TASOR2: variants seen among roughly 807,000 people sequenced by gnomAD.
TASOR2 encodes the protein transcription activation suppressor family member 2, also known as protein TASOR 2.
Under a neutral mutation model 199.5 loss-of-function variants are expected in TASOR2, and 84 were observed. The observed-to-expected ratio is 0.42, with a 90% confidence interval of 0.35 to 0.50. The LOEUF is 0.50. TASOR2 is among the 20% of genes least tolerant of loss of function. The probability of loss-of-function intolerance (pLI) is 0.02; values close to 1 mark genes in which losing one functional copy is unlikely to be tolerated. For missense variants in TASOR2, 2,796 were observed against 2,835.9 expected (o/e 0.99, Z 0.32); for synonymous variants, 1,103 against 1,046.6 (o/e 1.05, Z -1.04).
chr10:5,755,709 G>A (rs914089167), intron 15 of TASOR2, among the ~76,000 whole-genome samples: 6 of 152,308 alleles, frequency 3.9e-5, no homozygotes, highest in Middle Eastern at 3.4e-3. Context: ...TCAAGGCCAG[G>A]TGCCACGGTT....
At chr10:5,726,735 T>C (rs1435062560) in intron 8 of TASOR2, 150 bp from the exon 10 acceptor site, 2 of 648,568 alleles carry the variant, frequency 3.1e-6, no homozygotes, top group Non-Finnish European at 5.3e-6. Flanking sequence ...TTGAAGTTTC[T>C]GATACTGGGG....
chr10:5,755,644 A>G (rs928279909), intron 15 of TASOR2, among the ~76,000 whole-genome samples: 4 of 152,158 alleles, frequency 2.6e-5, no homozygotes, highest in Non-Finnish European at 4.4e-5. Flanking sequence ...AGTGATGGTC[A>G]GGCAGTCTTC....
At chr10:5,718,761 CAAA>C (rs35051277) in intron 3 of TASOR2, among the ~76,000 whole-genome samples, 22 of 134,616 alleles carry the variant, frequency 1.6e-4, no homozygotes, top group Admixed American at 4.4e-4. Context: ...AACTCTGTCT[CAAA>C]AAAAAAAAAA....
In TASOR2 at chr10:5,748,377, C is replaced by T. The variant is rs1298153966; in HGVS notation, c.4956C>T (p.Cys1652=). The stretch of plus-strand genomic sequence containing the variant: ...CTTATTCTACACAGGGATGCATGTG[C>T]TCAGTGGTCCCCACGCTTTGTTCTT... Residue 1652 remains cysteine (C), a synonymous_variant, in exon 15 of 21, where the codon TGC becomes TGT. Coordinates refer to ENST00000328090, the Ensembl canonical transcript of TASOR2. This position sits in a 1 kb window ranked among gnomAD's most constrained non-coding sequence, Gnocchi z 5.1. 6.2e-7 allele frequency: 1 copy of T among 1,614,102 alleles called. No individual in the cohort carries two copies. The highest frequency in any genetic ancestry group is 8.5e-7 in the Non-Finnish European group (1 of 1,180,050).
At chr10:5,735,211 C>A in intron 11 of TASOR2, 93 bp from the exon 13 acceptor site, 1 of 1,481,176 alleles carries the variant, frequency 6.8e-7, no homozygotes, top group Non-Finnish European at 9.1e-7. Flanking sequence ...TTACTGTCCC[C>A]AAAATAAAAA....
At chr10:5,747,074 A>G in exon 15 of TASOR2, 5 of 1,614,182 alleles carry the variant, frequency 3.1e-6, no homozygotes, top group Non-Finnish European at 4.2e-6. Context: ...TTGGGAAGGC[A>G]GTGTTCACTT....
intron 7 of TASOR2, 120 bp from the exon 9 acceptor site, chr10:5,724,310 A>G: frequency 4.7e-6 from 2 of 428,614 alleles, no homozygotes; most frequent in South Asian, 2.5e-5. Flanking sequence ...AGTAAATGAT[A>G]AAGGTTTCTG....
rs776340407 is a variant in TASOR2 at position 5,740,291 on chromosome 10, G to A, written c.2121G>A (p.Gln707=). Residue 707 remains glutamine (Q), a synonymous_variant, in exon 13 of 21, where the codon CAG becomes CAA. Transcript: ENST00000328090. This position sits in a 1 kb window ranked among gnomAD's most constrained non-coding sequence, Gnocchi z 5.3. ...GGCATCAGCCCGGCCTTTTGCTTCAGCAAAAGCCTCCTGACGACCCCGTGG... is the reference window on the plus strand; with the variant it reads ...GGCATCAGCCCGGCCTTTTGCTTCAACAAAAGCCTCCTGACGACCCCGTGG... 4 of 1,614,108 alleles carry A rather than the reference G, an allele frequency of 2.5e-6. No individual in the cohort carries two copies. The African/African-American group carries it at 5.3e-5, about 22-fold the overall frequency.
At chr10:5,732,742 G>T (rs768773344) in intron 11 of TASOR2, among the ~76,000 whole-genome samples, 2 of 152,078 alleles carry the variant, frequency 1.3e-5, no homozygotes, top group Non-Finnish European at 2.9e-5. Flanking sequence ...TAGAGATGAC[G>T]TCTTGCTATG....
rs75719995 is a variant in TASOR2 at position 5,713,268 on chromosome 10, T to G, written c.-192+350T>G. Among the ~76,000 whole-genome samples, 932 of 152,300 alleles carry G rather than the reference T, an allele frequency of 6.1e-3. 15 individuals carry two copies. Among genetic ancestry groups the G allele is most frequent in the South Asian group, 0.045 (217 of 4,820 alleles). On this transcript the variant is annotated intron_variant, in intron 2 of 20. Transcript: ENST00000328090. ...TCGAAACTTTGTTTCCTGTGGAAATTTTTCTGGTTTAAGTTATTTGATTTG... is the reference window on the plus strand; with the variant it reads ...TCGAAACTTTGTTTCCTGTGGAAATGTTTCTGGTTTAAGTTATTTGATTTG...
chr10:5,742,648 G>A lies in TASOR2; in HGVS notation c.2757+122G>A, dbSNP rs185664589. ...TTAGGACAGTGAATTCTCAAGGTATGTAAAGAACTATTACACCAAAAACCT... is the reference window on the plus strand; with the variant it reads ...TTAGGACAGTGAATTCTCAAGGTATATAAAGAACTATTACACCAAAAACCT... On this transcript the variant is annotated intron_variant, in intron 14 of 20. Transcript: ENST00000328090. This position sits in a 1 kb window ranked among gnomAD's most constrained non-coding sequence, Gnocchi z 4.2. 1.4e-3 allele frequency: 1,322 copies of A among 922,924 alleles called. 3 individuals are homozygous for A. Among genetic ancestry groups the A allele is most frequent in the Non-Finnish European group, 1.9e-3 (1,163 of 623,226 alleles). 57.2% of individuals were successfully genotyped at this position (922,924 alleles called of 1,614,324 possible).
At position 5,750,043 on chromosome 10, in the gene TASOR2, C is replaced by A; in HGVS notation, c.6606+16C>A. ...AAGAACAAAGGTAAAGTGCCAGCCA[C>A]GTCTTACGTATTATTTTAATTGCTG... On this transcript the variant is annotated intron_variant, in intron 15 of 20. Coordinates refer to ENST00000328090, the Ensembl canonical transcript of TASOR2. This position sits in a 1 kb window ranked among gnomAD's most constrained non-coding sequence, Gnocchi z 5.4. 1 of 1,556,832 alleles carries A rather than the reference C, an allele frequency of 6.4e-7. No individual in the cohort carries two copies. Among genetic ancestry groups the A allele is most frequent in the South Asian group, 1.2e-5 (1 of 81,218 alleles).
chr10:5,736,005 T>C (rs1383633774), intron 12 of TASOR2, among the ~76,000 whole-genome samples: 1 of 152,204 alleles, frequency 6.6e-6, no homozygotes, highest in Non-Finnish European at 1.5e-5. Flanking sequence ...GGTCTCACTT[T>C]ACAATCACTG....
rs1183194126 is a variant in TASOR2, at chr10:5,754,452, C to T, written c.6607-2161C>T. Among the ~76,000 whole-genome samples the T allele has an allele frequency of 1.3e-5, 2 of 151,684 alleles. No homozygotes were observed. The highest frequency in any genetic ancestry group is 2.4e-5 in the African/African-American group (1 of 41,266). ...TCGCCCAGGCTGGAGTGCAGTGGCG[C>T]GATCTCAGCTCACTGCAGCCTCCGT... On this transcript the variant is annotated intron_variant, in intron 15 of 20. Coordinates refer to ENST00000328090, the Ensembl canonical transcript of TASOR2. The surrounding 1 kb of genome is among the most constrained non-coding windows in gnomAD (Gnocchi z 4.3).
In TASOR2 at chr10:5,731,223, G is replaced by A. The variant is rs79698183; in HGVS notation, c.1204+20G>A. 4,015 of 1,590,302 alleles carry A rather than the reference G, an allele frequency of 2.5e-3. 86 individuals are homozygous for A. In the African/African-American group the frequency reaches 0.049, roughly 20 times the overall value. ...AAAGAGGTAAGCACGATTTATTTATGTGGGTTATTATAATAATAGTTGTGG... is the reference window on the plus strand; with the variant it reads ...AAAGAGGTAAGCACGATTTATTTATATGGGTTATTATAATAATAGTTGTGG... On this transcript the variant is annotated intron_variant, in intron 11 of 20. Transcript: ENST00000328090.
chr10:5,705,044 A>C (rs1441049450), intron 1 of TASOR2, among the ~76,000 whole-genome samples: 1 of 152,204 alleles, frequency 6.6e-6, no homozygotes. Context: ...ATTTAAGTAT[A>C]TAGTTCAGTG....
At position 5,730,609 on chromosome 10, in the gene TASOR2, A is replaced by G; in HGVS notation, c.610A>G (p.Thr204Ala). 6.2e-7 allele frequency: 1 copy of G among 1,614,224 alleles called. No individual in the cohort carries two copies. Among genetic ancestry groups the G allele is most frequent in the East Asian group, 2.2e-5 (1 of 44,888 alleles). The change falls in exon 11 of 21, where the codon ACA becomes GCA. Residue 204 changes from threonine (T) to alanine (A), a missense_variant. Transcript: ENST00000328090. The surrounding 1 kb of genome is among the most constrained non-coding windows in gnomAD (Gnocchi z 4.1). ...TCCTGAAGAAAGAATCCATCCAAAC[A>G]CATTAGTAAAGCGTCATTTCCAAGA...
chr10:5,712,053 T>C (rs1410423432), intron 1 of TASOR2: 1 of 164,016 alleles, frequency 6.1e-6, no homozygotes, highest in Non-Finnish European at 1.3e-5. Flanking sequence ...GAGAAATTGC[T>C]CTAAAAGTCT....
Position 5,720,881 on chromosome 10 carries a change from T to A in TASOR2, c.57T>A (p.Ser19=), listed in dbSNP as rs1400059104. ...CCTTCATTTCTTCAGTTCTCATGTC[T>A]CCATGGAAAGGGAAATTAATTGTTC... is the stretch of plus-strand genomic sequence containing the variant. The change falls in exon 6 of 21, where the codon TCT becomes TCA. Residue 19 remains serine, a synonymous_variant. Coordinates refer to ENST00000328090, the Ensembl canonical transcript of TASOR2. The surrounding 1 kb of genome is among the most constrained non-coding windows in gnomAD (Gnocchi z 5.3). 2 of 1,611,026 alleles carry A rather than the reference T, an allele frequency of 1.2e-6. No homozygotes were observed. Among genetic ancestry groups the A allele is most frequent in the East Asian group, 4.5e-5 (2 of 44,836 alleles).
Sources: gnomAD v4.1 joint callset for allele counts (sites outside exome capture counted in the v4.1 genomes callset) on GRCh38, gnomAD v4.1.1 for gene constraint, Gnocchi (gnomAD v3.1) non-coding constraint, MANE v1.5 for transcripts, NCBI Gene and HGNC (gene_info 2026-07-23, HGNC 2026-07-21) for gene names.